The following CHKA variants were observed in gnomAD, a reference collection of about 807,000 sequenced individuals.
CHKA encodes the protein CHETK-alpha.
CHKA carries 34 observed loss-of-function variants against 60.1 expected under a neutral mutation model. The ratio of observed to expected loss-of-function variants is 0.57; its 90% CI spans 0.43 to 0.75. The LOEUF is 0.75. Among genes scored for constraint, CHKA ranks in the 30% least tolerant of loss-of-function variants. The probability of loss-of-function intolerance (pLI) is 0.00; values close to 1 mark genes in which losing one functional copy is unlikely to be tolerated. For missense variants in CHKA, 563 were observed against 561.3 expected, an observed-to-expected ratio of 1.00 and a Z score of -0.03; for synonymous variants, 217 against 223.1, an observed-to-expected ratio of 0.97 and a Z score of 0.24.
intron 11 of CHKA, among the ~76,000 whole-genome samples, chr11:68,056,251 T>C (rs566029638): frequency 3.3e-5 from 5 of 152,344 alleles, no homozygotes; most frequent in Admixed American, 3.3e-4. Context: ...TGTGTGTTTT[T>C]GTCCAGGGTC....
chr11:68,079,160 G>T (rs1236151762), intron 3 of CHKA, among the ~76,000 whole-genome samples: 1 of 151,956 alleles, frequency 6.6e-6, no homozygotes, highest in African/African-American at 2.4e-5. Context: ...TCTCAAACTT[G>T]TGACCCCAAG....
intron 11 of CHKA, 32 bp downstream of exon 11, chr11:68,061,919 GAA>G: frequency 9.1e-6 from 10 of 1,098,138 alleles, no homozygotes; most frequent in African/African-American, 1.7e-5. Context: ...GGAGTAGGAA[GAA>G]AAAAAAAAAC....
intron 4 of CHKA, among the ~76,000 whole-genome samples, chr11:68,071,152 T>C (rs1465436298): frequency 6.6e-6 from 1 of 152,220 alleles, no homozygotes; most frequent in East Asian, 1.9e-4. Context: ...CATCTATTAT[T>C]CTGGCCTCTA....
chr11:68,061,095 G>GAT (rs1023263798), intron 11 of CHKA, among the ~76,000 whole-genome samples: 1 of 70,840 alleles, frequency 1.4e-5, no homozygotes, highest in African/African-American at 6.7e-5. Flanking sequence ...GTCAGTGACA[G>GAT]TTTTTTTTTT....
rs1565176151 is a variant in CHKA at position 68,070,194 on chromosome 11, GTT to G, written c.862_863del (p.Asn288ProfsTer6). On this transcript the variant is annotated frameshift_variant, in exon 6 of 12. Transcript: ENST00000265689. LOFTEE classifies it high-confidence loss of function. ...GAAATAGAAGGAAAACTCACCTCAGGTTTTCCAGTTCCAAGGGCAGATTGTAA... is the reference window on the plus strand; with the variant it reads ...GAAATAGAAGGAAAACTCACCTCAGGTTCCAGTTCCAAGGGCAGATTGTAA... ...LSYNLPLELE[N>X]LRSLLESTPS... 5 of 1,609,984 alleles carry G rather than the reference GTT, an allele frequency of 3.1e-6. No individual in the cohort carries two copies. The highest frequency in any genetic ancestry group is 4.2e-6 in the Non-Finnish European group (5 of 1,176,634).
rs535838280 is a variant in CHKA at position 68,087,619 on chromosome 11, T to C, written c.463-6162A>G. ...AAAAAAAATTGTGCCATCCATTTTT[T>C]AATAGAAAAAAAGAAAAATACACAC... On this transcript the variant is annotated intron_variant, in intron 2 of 11. Transcript: ENST00000265689. Among the ~76,000 whole-genome samples the C allele has an allele frequency of 5.9e-5, 9 of 152,282 alleles. No homozygotes were observed. The East Asian group carries it at 1.3e-3, about 23-fold the overall frequency.
chr11:68,121,326 G>GCGGCGGCTGCGGCGA lies in CHKA; in HGVS notation c.-150_-149insTCGCCGCAGCCGCCG, dbSNP rs750213357. The GCGGCGGCTGCGGCGA allele has an allele frequency of 7.2e-6, 2 of 278,548 alleles. No homozygotes were observed. The highest frequency in any genetic ancestry group is 1.3e-4 in the South Asian group (1 of 7,420). 17.3% of individuals were successfully genotyped at this position (278,548 alleles called of 1,614,324 possible). On this transcript the variant is annotated 5_prime_UTR_variant, in exon 1 of 12. Transcript: ENST00000265689. ...TTGGGCGCGCGGGGCGGCGGCGGCGGCTGCGGCGACTGCGGCGACTGTGGA... is the reference window on the plus strand; with the variant it reads ...TTGGGCGCGCGGGGCGGCGGCGGCGGCGGCGGCTGCGGCGACTGCGGCGACTGCGGCGACTGTGGA...
At chr11:68,079,213 C>T (rs370311822) in intron 3 of CHKA, among the ~76,000 whole-genome samples, 47 of 152,046 alleles carry the variant, frequency 3.1e-4, no homozygotes, top group Admixed American at 1.9e-3. Context: ...GGATTACAGA[C>T]GTTTAGTTAT....
rs762240767 is a variant in CHKA, at chr11:68,053,752, A to G, written c.*236T>C. On this transcript the variant is annotated 3_prime_UTR_variant, in exon 12 of 12. Transcript: ENST00000265689. Reference sequence around the variant, plus strand: ...TAAAAGGATTCAGAGATGTTGCACTATTGCACTATATTTCTGCTTCCCGAT... The same window carrying G: ...TAAAAGGATTCAGAGATGTTGCACTGTTGCACTATATTTCTGCTTCCCGAT... 3.4e-5 allele frequency: 16 copies of G among 474,584 alleles called. No individual in the cohort carries two copies. The highest frequency in any genetic ancestry group is 4.5e-5 in the Non-Finnish European group (12 of 264,802). The allele number at this position is 474,584 out of a possible 1,614,324, so 29.4% of individuals were successfully genotyped here. A position where few individuals can be genotyped will look rare whatever the true frequency, so the allele number is the denominator to read the frequency against.
intron 7 of CHKA, among the ~76,000 whole-genome samples, chr11:68,067,896 T>C (rs1030564116): frequency 2.6e-5 from 4 of 152,192 alleles, no homozygotes; most frequent in African/African-American, 9.7e-5. Flanking sequence ...CATGAGAAAC[T>C]GTTCTCAGGA....
At position 68,068,917 on chromosome 11, in the gene CHKA, G is replaced by A; in HGVS notation, c.890C>T (p.Pro297Leu). ...ATTATGACAAAATACAACTGGAGAT[G>A]GAGTAGATTCAAGCAATGATCTGAA... is the stretch of plus-strand genomic sequence containing the variant. ...ENLRSLLEST[P>L]SPVVFCHNDC... Residue 297 changes from proline to leucine, a missense_variant, in exon 7 of 12, where the codon CCA (proline) becomes CTA (leucine). Transcript: ENST00000265689. 6.2e-7 allele frequency: 1 copy of A among 1,612,246 alleles called. No individual in the cohort carries two copies. Among genetic ancestry groups the A allele is most frequent in the Non-Finnish European group, 8.5e-7 (1 of 1,178,860 alleles).
intron 7 of CHKA, among the ~76,000 whole-genome samples, chr11:68,068,302 T>A (rs1856507780): frequency 6.6e-6 from 1 of 152,014 alleles, no homozygotes; most frequent in Non-Finnish European, 1.5e-5. Context: ...TAAAAAAAAA[T>A]CATACATGTT....
In CHKA at chr11:68,100,937, C is replaced by CTTTT. The variant is rs758101816; in HGVS notation, c.351-3811_351-3808dup. Among the ~76,000 whole-genome samples, 28 of 78,202 alleles carry CTTTT rather than the reference C, an allele frequency of 3.6e-4. 1 individual carries two copies. Among genetic ancestry groups the CTTTT allele is most frequent in the African/African-American group, 7.1e-4 (12 of 16,864 alleles). 51.3% of individuals were successfully genotyped at this position (78,202 alleles called of 152,430 possible). A position where few individuals can be genotyped will look rare whatever the true frequency, so the allele number is the denominator to read the frequency against. On this transcript the variant is annotated intron_variant, in intron 1 of 11. Transcript: ENST00000265689. ...GAATAACAAGCAGTATAAAGAGGTT[C>CTTTT]TTTTTTTTTTTTTTTTTTTTTTTTT...
intron 2 of CHKA, among the ~76,000 whole-genome samples, chr11:68,095,720 AAAAAAAAAAAAAAAC>A (rs1379682117): frequency 3.5e-5 from 5 of 143,980 alleles, no homozygotes; most frequent in African/African-American, 7.7e-5. Flanking sequence ...AAAAAAAAAA[AAAAAAAAAAAAAAAC>A]AACAGGTATC....
chr11:68,085,227 T>C (rs1008673206), intron 2 of CHKA, among the ~76,000 whole-genome samples: 1 of 150,598 alleles, frequency 6.6e-6, no homozygotes, highest in East Asian at 1.9e-4. Flanking sequence ...GGTGAAACTT[T>C]AAAAAAAAAA....
At chr11:68,056,339 C>A (rs1226043732) in intron 11 of CHKA, among the ~76,000 whole-genome samples, 1 of 152,168 alleles carries the variant, frequency 6.6e-6, no homozygotes, top group African/African-American at 2.4e-5. Context: ...CTTTCACCTG[C>A]CCAAAGCTAG....
intron 2 of CHKA, among the ~76,000 whole-genome samples, chr11:68,088,204 T>A (rs1160736300): frequency 6.8e-6 from 1 of 147,276 alleles, no homozygotes; most frequent in South Asian, 2.1e-4. Flanking sequence ...TCTCGGAAAA[T>A]AATCCATCTT....
At chr11:68,118,054 G>A (rs1858458913) in intron 1 of CHKA, among the ~76,000 whole-genome samples, 1 of 152,182 alleles carries the variant, frequency 6.6e-6, no homozygotes, top group Non-Finnish European at 1.5e-5. Context: ...GGAGCCAAAG[G>A]GTTAAATTTG....
At chr11:68,114,082 G>A (rs1032691695) in intron 1 of CHKA, among the ~76,000 whole-genome samples, 9 of 152,140 alleles carry the variant, frequency 5.9e-5, no homozygotes, top group African/African-American at 1.7e-4. Context: ...CCAAATGCTA[G>A]TAAGGACATA....
Sources: allele counts gnomAD v4.1 joint callset (sites outside exome capture counted in the v4.1 genomes callset), GRCh38; gene constraint gnomAD v4.1.1; transcripts MANE v1.5; gene names NCBI Gene and HGNC (gene_info 2026-07-23, HGNC 2026-07-21).